RALGPS1: variants seen among roughly 807,000 people sequenced by gnomAD.
RALGPS1 encodes Ral GEF with PH domain and SH3 binding motif 1.
Under a neutral mutation model 78.8 loss-of-function variants are expected in RALGPS1, and 19 were observed. The ratio of observed to expected loss-of-function variants is 0.24; its 90% CI spans 0.17 to 0.35. The LOEUF (loss-of-function observed/expected upper bound fraction) is 0.35, where lower values mean the gene tolerates loss of function less well. RALGPS1 is among the 10% of genes least tolerant of loss of function. The pLI is 1.00. For missense variants in RALGPS1, 454 were observed against 688.3 expected (o/e 0.66, Z 3.81); for synonymous variants, 228 against 256.3 (o/e 0.89, Z 1.06).
intron 4 of RALGPS1, chr9:126,989,981 T>C (rs1256359701): frequency 6.5e-7 from 1 of 1,550,380 alleles, no homozygotes. Flanking sequence ...AGGAAAACAC[T>C]GCCTGTGGGT....
chr9:127,024,551 A>G (rs907710937), intron 4 of RALGPS1, among the ~76,000 whole-genome samples: 3 of 151,968 alleles, frequency 2.0e-5, no homozygotes, highest in Non-Finnish European at 4.4e-5. Context: ...CTTAAAGTTG[A>G]AAACCATCAA....
chr9:126,925,498 A>T (rs1301187613), intron 1 of RALGPS1, among the ~76,000 whole-genome samples: 1 of 151,984 alleles, frequency 6.6e-6, no homozygotes, highest in Non-Finnish European at 1.5e-5. Context: ...CAGTGAGCTG[A>T]GATGGCACCA....
intron 8 of RALGPS1, among the ~76,000 whole-genome samples, chr9:127,111,894 T>C (rs557717925): frequency 5.2e-4 from 79 of 152,224 alleles, no homozygotes; most frequent in Non-Finnish European, 9.6e-4. Flanking sequence ...TGGTTTTTAC[T>C]AGTAAAAGGG....
rs139177104 is a variant in RALGPS1 at position 127,193,105 on chromosome 9, G to A, written c.911-1986G>A. Among the ~76,000 whole-genome samples the A allele has an allele frequency of 5.3e-5, 8 of 152,294 alleles. No homozygotes were observed. In the East Asian group the frequency reaches 1.5e-3, roughly 29 times the overall value. ...GACTAGAGCTTGCCTGTAGGCTGGGGGAAGGAGCCAGAGAGAGAAGGGGAA... is the reference window on the plus strand; with the variant it reads ...GACTAGAGCTTGCCTGTAGGCTGGGAGAAGGAGCCAGAGAGAGAAGGGGAA... On this transcript the variant is annotated intron_variant, in intron 11 of 18. Coordinates refer to ENST00000259351, the MANE Select transcript of RALGPS1 (RefSeq NM_014636.3).
intron 4 of RALGPS1, among the ~76,000 whole-genome samples, chr9:126,990,510 A>C (rs932052258): frequency 6.6e-6 from 1 of 151,706 alleles, no homozygotes; most frequent in African/African-American, 2.4e-5. Flanking sequence ...AGACCTCCCG[A>C]CTCTCTCCTG....
At chr9:127,066,071 G>A (rs576114637) in intron 7 of RALGPS1, among the ~76,000 whole-genome samples, 3 of 152,308 alleles carry the variant, frequency 2.0e-5, no homozygotes, top group Non-Finnish European at 4.4e-5. Flanking sequence ...AGGCATAGAA[G>A]ATAGGCTGAT....
rs556131760 is a variant in RALGPS1, at chr9:127,073,127, A to G, written c.610+3771A>G. Reference sequence around the variant, plus strand: ...TCTTTTAGCTACTTCAAAATACACAATACAGTGTTAACCATAATCACCCTA... The same window carrying G: ...TCTTTTAGCTACTTCAAAATACACAGTACAGTGTTAACCATAATCACCCTA... On this transcript the variant is annotated intron_variant, in intron 8 of 18. Transcript: ENST00000259351. Among the ~76,000 whole-genome samples, 21 of 152,306 alleles carry G rather than the reference A, an allele frequency of 1.4e-4. No individual in the cohort carries two copies. The East Asian group carries it at 3.1e-3, about 22-fold the overall frequency.
rs2059676933 is a variant in RALGPS1 at position 127,173,597 on chromosome 9, C to T, written c.843-1118C>T. ...CTAGTCTCACTCTGTCATTTTCACC[C>T]AGAAGTTCCTATTCGGTGCTTCAAA... On this transcript the variant is annotated intron_variant, in intron 10 of 18. Transcript: ENST00000259351. Among the ~76,000 whole-genome samples the T allele has an allele frequency of 3.9e-5, 6 of 152,268 alleles. No homozygotes were observed. The South Asian group carries it at 1.2e-3, about 32-fold the overall frequency.
chr9:127,193,981 C>T (rs1030102969), intron 11 of RALGPS1, among the ~76,000 whole-genome samples: 1 of 152,234 alleles, frequency 6.6e-6, no homozygotes, highest in Non-Finnish European at 1.5e-5. Flanking sequence ...TTCCTCCAGA[C>T]ATGGCTGAAG....
chr9:126,940,041 G>A (rs2131395033), intron 1 of RALGPS1, among the ~76,000 whole-genome samples: 1 of 152,294 alleles, frequency 6.6e-6, no homozygotes, highest in South Asian at 2.1e-4. Flanking sequence ...TTTGAGTGCA[G>A]GGGTGTGGCT....
chr9:127,147,053 C>G (rs2058135577), intron 8 of RALGPS1, among the ~76,000 whole-genome samples: 1 of 152,084 alleles, frequency 6.6e-6, no homozygotes, highest in Non-Finnish European at 1.5e-5. Flanking sequence ...ATTTTTTTAA[C>G]TTTTTAATAA....
intron 8 of RALGPS1, among the ~76,000 whole-genome samples, chr9:127,101,294 A>G (rs781670357): frequency 3.7e-4 from 57 of 152,212 alleles, no homozygotes; most frequent in South Asian, 1.4e-3. Flanking sequence ...AGAGGATCAC[A>G]TGACTGGAAA....
intron 7 of RALGPS1, among the ~76,000 whole-genome samples, chr9:127,064,502 C>T (rs961103838): frequency 6.6e-6 from 1 of 152,342 alleles, no homozygotes; most frequent in South Asian, 2.1e-4. Flanking sequence ...AGTGAAACAA[C>T]TAACATTCGT....
intron 4 of RALGPS1, among the ~76,000 whole-genome samples, chr9:126,978,744 C>T (rs1413067416): frequency 2.0e-5 from 3 of 152,174 alleles, no homozygotes; most frequent in South Asian, 4.1e-4. Flanking sequence ...CTTCCTGCTC[C>T]GCTTTTACCT....
In RALGPS1 at chr9:127,194,302, T is replaced by C. The variant is rs143631105; in HGVS notation, c.911-789T>C. Among the ~76,000 whole-genome samples the C allele has an allele frequency of 7.5e-4, 115 of 152,326 alleles. 1 individual carries two copies. Among genetic ancestry groups the C allele is most frequent in the Non-Finnish European group, 1.2e-3 (83 of 68,028 alleles). Reference sequence around the variant, plus strand: ...GGTAGCAAATGAAAGACCTAAGATCTGAACCCTATCTGTCTAGCTGTGCTC... The same window carrying C: ...GGTAGCAAATGAAAGACCTAAGATCCGAACCCTATCTGTCTAGCTGTGCTC... On this transcript the variant is annotated intron_variant, in intron 11 of 18. Coordinates refer to ENST00000259351, the MANE Select transcript of RALGPS1 (RefSeq NM_014636.3).
At chr9:127,198,245 TCAGA>T (rs576661685) in intron 13 of RALGPS1, among the ~76,000 whole-genome samples, 218 of 152,300 alleles carry the variant, frequency 1.4e-3, no homozygotes, top group Non-Finnish European at 2.7e-3. Flanking sequence ...GGGCTGTTAC[TCAGA>T]CAGATGCCAA....
chr9:127,183,952 G>A lies in RALGPS1; in HGVS notation c.910+9170G>A, dbSNP rs1185940465. The A allele has an allele frequency of 1.9e-6, 3 of 1,550,402 alleles. No homozygotes were observed. Among genetic ancestry groups the A allele is most frequent in the East Asian group, 4.9e-5 (2 of 40,876 alleles). On this transcript the variant is annotated intron_variant, in intron 11 of 18. Transcript: ENST00000259351. This position sits in a 1 kb window ranked among gnomAD's most constrained non-coding sequence, Gnocchi z 4.0. ...CCTCTGGCCAACACCCTGCCTGGAT[G>A]TGGCCCAGCTCCTCACGAGTACCAG... is the stretch of plus-strand genomic sequence containing the variant.
At chr9:126,955,265 T>C (rs937765852) in intron 1 of RALGPS1, among the ~76,000 whole-genome samples, 1 of 152,256 alleles carries the variant, frequency 6.6e-6, no homozygotes, top group Non-Finnish European at 1.5e-5. Context: ...GCCCACCTTG[T>C]GTGCCCAGTG....
chr9:127,105,201 T>G (rs544532865), intron 8 of RALGPS1, among the ~76,000 whole-genome samples: 2 of 152,152 alleles, frequency 1.3e-5, no homozygotes, highest in Admixed American at 1.3e-4. Context: ...GTACCAACAT[T>G]TGGGGATCCT....
Sources: gnomAD v4.1 joint callset for allele counts (sites outside exome capture counted in the v4.1 genomes callset) on GRCh38, gnomAD v4.1.1 for gene constraint, Gnocchi (gnomAD v3.1) non-coding constraint, MANE v1.5 for transcripts, NCBI Gene and HGNC (gene_info 2026-07-23, HGNC 2026-07-21) for gene names.